Variants in ZNF57 observed in about 807,000 individuals in gnomAD.
The protein encoded by ZNF57 is zinc finger protein 424.
ZNF57 carries 11 observed loss-of-function variants against 13.4 expected under a neutral mutation model. The observed-to-expected ratio is 0.82, with a 90% CI of 0.52 to 1.36. The LOEUF (loss-of-function observed/expected upper bound fraction) is 1.36. ZNF57 is among the 40% of genes most tolerant of loss of function. The probability of loss-of-function intolerance (pLI) is 0.00; values close to 1 mark genes in which losing one functional copy is unlikely to be tolerated. For synonymous variants in ZNF57, 224 were observed against 238.5 expected (o/e 0.94, Z 0.56); for missense variants, 696 against 667.5 (o/e 1.04, Z -0.47).
chr19:2,905,413 CCCCCCT>C lies in ZNF57; in HGVS notation c.3+4367_3+4372del, dbSNP rs1568179197. ...CTCTTGACTTCAGGTGATCGCCCCC[CCCCCCT>C]CGGCATTCCAAAGTATTTGCATTAC... On this transcript the variant is annotated intron_variant, in intron 1 of 3. Transcript: ENST00000306908. Among the ~76,000 whole-genome samples, 2 of 69,856 alleles carry C rather than the reference CCCCCCT, an allele frequency of 2.9e-5. 1 individual carries two copies. Among genetic ancestry groups the C allele is most frequent in the South Asian group, 9.1e-4 (2 of 2,204 alleles). 45.8% of individuals were successfully genotyped at this position (69,856 alleles called of 152,430 possible).
chr19:2,906,185 T>G (rs969815508), intron 1 of ZNF57, among the ~76,000 whole-genome samples: 1 of 152,214 alleles, frequency 6.6e-6, no homozygotes, highest in Admixed American at 6.5e-5. Context: ...CCTGAGTAGC[T>G]GGGACTGCAG....
chr19:2,902,193 T>C (rs950181190), intron 1 of ZNF57, among the ~76,000 whole-genome samples: 1 of 14,348 alleles, frequency 7.0e-5, no homozygotes, highest in Non-Finnish European at 1.3e-4. Flanking sequence ...AGGGACGGCC[T>C]GGGGGTCAGA....
intron 1 of ZNF57, among the ~76,000 whole-genome samples, chr19:2,902,874 G>T (rs1022503362): frequency 6.6e-6 from 1 of 152,154 alleles, no homozygotes; most frequent in Non-Finnish European, 1.5e-5. Context: ...CACTGATTCT[G>T]CTGCATTCTC....
chr19:2,913,872 C>T (rs375578334), intron 1 of ZNF57, among the ~76,000 whole-genome samples: 29 of 152,322 alleles, frequency 1.9e-4, no homozygotes, highest in African/African-American at 7.0e-4. Flanking sequence ...AACACCTGAG[C>T]TCCAGCGATC....
rs2088222741 is a variant in ZNF57, at chr19:2,917,720, A to T, written c.1099A>T (p.Lys367Ter). 6.2e-7 allele frequency: 1 copy of T among 1,613,768 alleles called. No individual in the cohort carries two copies. Among genetic ancestry groups the T allele is most frequent in the Non-Finnish European group, 8.5e-7 (1 of 1,179,922 alleles). ...THTGEKPYEC[K>*]QCGKAFTWSS... ...CACTGGAGAGAAACCTTATGAGTGTAAACAATGTGGGAAAGCCTTCACTTG... is the reference window on the plus strand; with the variant it reads ...CACTGGAGAGAAACCTTATGAGTGTTAACAATGTGGGAAAGCCTTCACTTG... The change falls in exon 4 of 4, where the codon AAA becomes TAA. Residue 367 changes from lysine to a stop codon, truncating the protein, a stop_gained. Coordinates refer to ENST00000306908, the MANE Select transcript of ZNF57 (RefSeq NM_173480.3). LOFTEE classifies it low-confidence loss of function (END_TRUNC).
chr19:2,901,551 C>G (rs1468703186), intron 1 of ZNF57, among the ~76,000 whole-genome samples: 1 of 151,492 alleles, frequency 6.6e-6, no homozygotes. Context: ...GGACGGAGTC[C>G]CGCTCTGTCG....
intron 3 of ZNF57, 24 bp from the exon 4 acceptor site, chr19:2,916,900 A>T (rs778625920): frequency 2.7e-5 from 41 of 1,540,928 alleles, no homozygotes; most frequent in Non-Finnish European, 3.4e-5. Context: ...TACCATACAT[A>T]AAAATGTCTC....
chr19:2,909,267 T>TTTTATTTA, intron 1 of ZNF57, among the ~76,000 whole-genome samples: 1 of 135,550 alleles, frequency 7.4e-6, no homozygotes, highest in Non-Finnish European at 1.6e-5. Context: ...ATAGATTTTA[T>TTTTATTTA]TTTATTTATT....
rs1599603623 is a variant in ZNF57, at chr19:2,915,536, T to C, written c.18T>C (p.Phe6=). The change falls in exon 2 of 4, where the codon TTT becomes TTC. Residue 6 remains phenylalanine (F), a synonymous_variant. Coordinates refer to ENST00000306908, the MANE Select transcript of ZNF57 (RefSeq NM_173480.3). ...GTTTGTCTTAGGACTCAGTGGTCTT[T>C]GAGGATGTGGCTGTGGACTTCACCC... MDSVV[F]EDVAVDFTLE... The C allele has an allele frequency of 6.2e-7, 1 of 1,613,946 alleles. No individual in the cohort carries two copies.
At chr19:2,908,788 ACC>A (rs2144924389) in intron 1 of ZNF57, among the ~76,000 whole-genome samples, 1 of 151,538 alleles carries the variant, frequency 6.6e-6, no homozygotes, top group Admixed American at 6.6e-5. Context: ...AAACCCCCAG[ACC>A]CTTCAGTTAT....
intron 1 of ZNF57, among the ~76,000 whole-genome samples, chr19:2,905,347 T>C (rs1194988092): frequency 3.8e-5 from 5 of 132,298 alleles, no homozygotes. Context: ...AAATTTTTAG[T>C]AGAGATGGGG....
intron 1 of ZNF57, among the ~76,000 whole-genome samples, chr19:2,907,999 C>T: frequency 6.6e-6 from 1 of 152,218 alleles, no homozygotes; most frequent in East Asian, 1.9e-4. Context: ...TGGGCATGAA[C>T]CACCTCACAG....
intron 1 of ZNF57, among the ~76,000 whole-genome samples, chr19:2,910,553 T>C (rs796970083): frequency 2.1e-5 from 2 of 96,308 alleles, no homozygotes; most frequent in Non-Finnish European, 4.4e-5. Flanking sequence ...CGCCGCCTCC[T>C]GGGTTCACGC....
At chr19:2,915,433 G>A in intron 1 of ZNF57, 89 bp from the exon 2 acceptor site, 1 of 1,539,968 alleles carries the variant, frequency 6.5e-7, no homozygotes, top group Non-Finnish European at 8.8e-7. Context: ...GGACACCACA[G>A]AATCTTGTTT....
At position 2,916,171 on chromosome 19, in the gene ZNF57, C is replaced by T; in HGVS notation, c.224C>T (p.Thr75Ile). The change falls in exon 3 of 4, where the codon ACA (threonine) becomes ATA (isoleucine). Residue 75 changes from threonine (T) to isoleucine (I), a missense_variant. This residue lies in a region of ZNF57 where 645 missense variants were observed against 591.5 expected (regional missense o/e 1.09). Coordinates refer to ENST00000306908, the MANE Select transcript of ZNF57 (RefSeq NM_173480.3). The stretch of plus-strand genomic sequence containing the variant: ...AAGGAACAGACAATACCAAACTTCA[C>T]AGGAAATAATTCCTGTGCCTACACT... ...KSKEQTIPNFTGNNSCAYTLE... is the reference protein window; with the variant it reads ...KSKEQTIPNFIGNNSCAYTLE... The T allele has an allele frequency of 6.2e-7, 1 of 1,614,014 alleles. No individual in the cohort carries two copies. The highest frequency in any genetic ancestry group is 8.5e-7 in the Non-Finnish European group (1 of 1,179,988).
chr19:2,917,702 G>A lies in ZNF57; in HGVS notation c.1081G>A (p.Glu361Lys). The A allele has an allele frequency of 1.2e-6, 2 of 1,613,978 alleles. No homozygotes were observed. The highest frequency in any genetic ancestry group is 8.5e-7 in the Non-Finnish European group (1 of 1,179,964). Residue 361 changes from glutamate (E) to lysine (K), a missense_variant, in exon 4 of 4, where the codon GAG becomes AAG. Transcript: ENST00000306908. ...AGGTCATTTGAGGACGCACACTGGAGAGAAACCTTATGAGTGTAAACAATG... is the reference window on the plus strand; with the variant it reads ...AGGTCATTTGAGGACGCACACTGGAAAGAAACCTTATGAGTGTAAACAATG... ...FQGHLRTHTGEKPYECKQCGK... is the reference protein window; with the variant it reads ...FQGHLRTHTGKKPYECKQCGK...
At chr19:2,903,273 G>A (rs758411194) in intron 1 of ZNF57, among the ~76,000 whole-genome samples, 2 of 152,038 alleles carry the variant, frequency 1.3e-5, no homozygotes, top group Non-Finnish European at 2.9e-5. Context: ...GTACAGTGGC[G>A]TGATCTCCAC....
At position 2,917,205 on chromosome 19, in the gene ZNF57, C is replaced by G; in HGVS notation, c.584C>G (p.Pro195Arg). Residue 195 changes from proline (P) to arginine (R), a missense_variant, in exon 4 of 4, where the codon CCG becomes CGG. Physicochemically the swap from Pro to Arg is moderately radical, Grantham distance 103. Transcript: ENST00000306908. ...SHGRTDTEEK[P>R]YKCQACGQTF... ...GGAAGAACTGACACTGAGGAGAAGC[C>G]GTATAAGTGTCAAGCATGTGGGCAA... 6.2e-7 allele frequency: 1 copy of G among 1,614,178 alleles called. No individual in the cohort carries two copies.
intron 2 of ZNF57, 97 bp from the exon 3 acceptor site, chr19:2,915,981 T>C: frequency 7.4e-7 from 1 of 1,349,374 alleles, no homozygotes; most frequent in African/African-American, 1.5e-5. Flanking sequence ...TTATGTCTGT[T>C]ATTGATGAGG....
Sources: gnomAD v4.1 joint callset for allele counts (sites outside exome capture counted in the v4.1 genomes callset) on GRCh38, gnomAD v4.1.1 for gene constraint, gnomAD v4.1.1 regional missense constraint, MANE v1.5 for transcripts, NCBI Gene and HGNC (gene_info 2026-07-23, HGNC 2026-07-21) for gene names.